ANKRD11: variants seen among roughly 807,000 people sequenced by gnomAD.
The protein encoded by ANKRD11 is ankyrin repeat domain-containing protein 11.
ANKRD11 carries 17 observed loss-of-function variants against 195.7 expected under a neutral mutation model. The observed-to-expected ratio is 0.09, with a 90% CI of 0.06 to 0.13. The LOEUF (loss-of-function observed/expected upper bound fraction) is 0.13. ANKRD11 is among the 10% of genes least tolerant of loss of function. The probability of loss-of-function intolerance (pLI) is 1.00; values close to 1 mark genes in which losing one functional copy is unlikely to be tolerated. For synonymous variants in ANKRD11, 1,953 were observed against 1,528.1 expected, an observed-to-expected ratio of 1.28 and a Z score of -6.49; for missense variants, 3,735 against 3,566.1, an observed-to-expected ratio of 1.05 and a Z score of -1.21.
chr16:89,398,142 GCT>G (rs2041528956), intron 2 of ANKRD11, among the ~76,000 whole-genome samples: 1 of 151,596 alleles, frequency 6.6e-6, no homozygotes, highest in African/African-American at 2.4e-5. Context: ...CTGTGAAACA[GCT>G]GAAGACTACC....
In ANKRD11 at chr16:89,383,273, A is replaced by T. The variant is rs143437155; in HGVS notation, c.-60+35011T>A. Among the ~76,000 whole-genome samples the T allele has an allele frequency of 3.7e-3, 561 of 152,262 alleles. 11 individuals carry two copies. The highest frequency in any genetic ancestry group is 0.028 in the Admixed American group (433 of 15,284). ...AGCTCAAGATAACCGGCTCTGCCAGAAGCACTGCCATTAGGATTTCCAGGG... is the reference window on the plus strand; with the variant it reads ...AGCTCAAGATAACCGGCTCTGCCAGTAGCACTGCCATTAGGATTTCCAGGG... On this transcript the variant is annotated intron_variant, in intron 2 of 12. Transcript: ENST00000301030.
intron 2 of ANKRD11, among the ~76,000 whole-genome samples, chr16:89,353,154 C>A (rs1256009729): frequency 6.6e-6 from 1 of 151,994 alleles, no homozygotes; most frequent in Admixed American, 6.5e-5. Flanking sequence ...CCAGCCTGGC[C>A]AATATGGTGA....
intron 2 of ANKRD11, among the ~76,000 whole-genome samples, chr16:89,402,451 G>A (rs1044589579): frequency 5.3e-5 from 8 of 152,174 alleles, no homozygotes; most frequent in African/African-American, 9.6e-5. Context: ...AAGCCGAGGC[G>A]GGAAGATCGG....
At position 89,418,316 on chromosome 16, in the gene ANKRD11, G is replaced by T; in HGVS notation, c.-92C>A. The T allele has an allele frequency of 2.2e-6, 1 of 454,052 alleles. No homozygotes were observed. Among genetic ancestry groups the T allele is most frequent in the South Asian group, 1.6e-5 (1 of 64,474 alleles). 28.1% of individuals were successfully genotyped at this position (454,052 alleles called of 1,614,324 possible). A position where few individuals can be genotyped will look rare whatever the true frequency, so the allele number is the denominator to read the frequency against. ...ATAGCTGAAAGTCAGTGCTGACGAG[G>T]ACTGTCTTTTAAATCCAATGGAGGT... On this transcript the variant is annotated 5_prime_UTR_variant, in exon 2 of 13. Coordinates refer to ENST00000301030, the MANE Select transcript of ANKRD11 (RefSeq NM_013275.6).
chr16:89,458,497 T>G (rs1345831387), intron 1 of ANKRD11, among the ~76,000 whole-genome samples: 1 of 152,232 alleles, frequency 6.6e-6, no homozygotes, highest in East Asian at 1.9e-4. Flanking sequence ...GTGCTGGGAT[T>G]ACAGGCGTGA....
intron 2 of ANKRD11, among the ~76,000 whole-genome samples, chr16:89,398,562 T>A (rs929815894): frequency 2.0e-5 from 3 of 152,008 alleles, no homozygotes; most frequent in African/African-American, 7.2e-5. Context: ...TAAAAAAAAT[T>A]TTTTTTTAAC....
intron 2 of ANKRD11, among the ~76,000 whole-genome samples, chr16:89,353,500 CAG>C (rs2039319022): frequency 2.0e-5 from 3 of 152,016 alleles, no homozygotes; most frequent in South Asian, 2.1e-4. Context: ...TTTTTTGAGA[CAG>C]AGTCTTACTG....
At chr16:89,311,381 T>G (rs2036599208) in intron 3 of ANKRD11, among the ~76,000 whole-genome samples, 1 of 152,228 alleles carries the variant, frequency 6.6e-6, no homozygotes, top group Non-Finnish European at 1.5e-5. Flanking sequence ...CTGGCTTTGG[T>G]ATCAGTATAG....
intron 1 of ANKRD11, among the ~76,000 whole-genome samples, chr16:89,469,076 T>C (rs945101656): frequency 2.0e-5 from 3 of 151,908 alleles, no homozygotes; most frequent in Non-Finnish European, 4.4e-5. Context: ...GGTGAAAAAG[T>C]GGACACTTTT....
intron 4 of ANKRD11, chr16:89,297,950 G>C (rs1259486415): frequency 2.0e-5 from 3 of 152,168 alleles, no homozygotes; most frequent in African/African-American, 7.2e-5. Context: ...GTATGTGAAG[G>C]GGTCACACAG....
chr16:89,433,452 G>C (rs998643225), intron 1 of ANKRD11, among the ~76,000 whole-genome samples: 9 of 152,210 alleles, frequency 5.9e-5, no homozygotes, highest in African/African-American at 1.7e-4. Flanking sequence ...CCACCGACAG[G>C]CTTTCAAACA....
intron 4 of ANKRD11, chr16:89,301,206 A>T: frequency 2.4e-6 from 1 of 415,296 alleles, no homozygotes; most frequent in Non-Finnish European, 4.2e-6. Flanking sequence ...TCCTAGCCTC[A>T]AGGGATCCTC....
chr16:89,472,304 G>C (rs960051483), intron 1 of ANKRD11, among the ~76,000 whole-genome samples: 2 of 152,160 alleles, frequency 1.3e-5, no homozygotes, highest in African/African-American at 2.4e-5. Context: ...TTGTGTTTGT[G>C]TGGATCTGTA....
At chr16:89,313,543 C>A (rs1202223092) in intron 3 of ANKRD11, 1 of 1,289,098 alleles carries the variant, frequency 7.8e-7, no homozygotes, top group Non-Finnish European at 1.0e-6. Context: ...GCTCCATTTC[C>A]ATCTTCCACG....
intron 2 of ANKRD11, chr16:89,320,478 G>T (rs2037242373): frequency 6.6e-6 from 1 of 152,216 alleles, no homozygotes; most frequent in South Asian, 2.1e-4. Context: ...CACAGCCGCG[G>T]GAAGGTAAAC....
chr16:89,368,531 T>G (rs2040054104), intron 2 of ANKRD11, among the ~76,000 whole-genome samples: 1 of 151,628 alleles, frequency 6.6e-6, no homozygotes, highest in African/African-American at 2.4e-5. Context: ...AGAGCTTCTT[T>G]TGTGCAGCAT....
intron 1 of ANKRD11, among the ~76,000 whole-genome samples, chr16:89,477,296 G>A (rs1464429254): frequency 6.6e-6 from 1 of 151,254 alleles, no homozygotes; most frequent in African/African-American, 2.4e-5. Context: ...ATGTTCAAGC[G>A]ATTCTCCTGC....
rs184703271 is a variant in ANKRD11 at position 89,353,875 on chromosome 16, G to C, written c.-59-36797C>G. 4.6e-3 allele frequency among the ~76,000 whole-genome samples: 708 copies of C among 152,340 alleles called. 5 individuals carry two copies. The highest frequency in any genetic ancestry group is 0.016 in the African/African-American group (659 of 41,572). On this transcript the variant is annotated intron_variant, in intron 2 of 12. Coordinates refer to ENST00000301030, the MANE Select transcript of ANKRD11 (RefSeq NM_013275.6). Reference sequence around the variant, plus strand: ...GCCCTGAGACACCCGAAACAAGACAGAGCAGCCTCTGCAGCCTCTCATGCA... The same window carrying C: ...GCCCTGAGACACCCGAAACAAGACACAGCAGCCTCTGCAGCCTCTCATGCA...
chr16:89,442,845 ACAGC>A, intron 1 of ANKRD11, among the ~76,000 whole-genome samples: 1 of 152,232 alleles, frequency 6.6e-6, no homozygotes, highest in South Asian at 2.1e-4. Context: ...CCTGCCCCTT[ACAGC>A]ACAAGCCGGC....
Sources: allele counts gnomAD v4.1 joint callset (sites outside exome capture counted in the v4.1 genomes callset), GRCh38; gene constraint gnomAD v4.1.1; transcripts MANE v1.5; gene names NCBI Gene and HGNC (gene_info 2026-07-23, HGNC 2026-07-21).